NSMCE2: variants seen among roughly 807,000 people sequenced by gnomAD.
NSMCE2 encodes E3 SUMO-protein ligase NSE2.
A neutral mutation model predicts 23.8 loss-of-function variants in NSMCE2; 24 were observed. The ratio of observed to expected loss-of-function variants is 1.01; its 90% confidence interval spans 0.73 to 1.42. The LOEUF is 1.42. Ranked by LOEUF, NSMCE2 falls within the 40% of genes most tolerant of loss-of-function variation. NSMCE2 has a pLI of 0.00. For synonymous variants in NSMCE2, 92 were observed against 94.1 expected (o/e 0.98, Z 0.13); for missense variants, 284 against 296.5 (o/e 0.96, Z 0.31).
chr8:125,227,724 A>G (rs1327394331), intron 5 of NSMCE2, among the ~76,000 whole-genome samples: 3 of 152,204 alleles, frequency 2.0e-5, no homozygotes, highest in African/African-American at 7.2e-5. Flanking sequence ...TGTATATTGT[A>G]AAAGATTCAG....
intron 3 of NSMCE2, among the ~76,000 whole-genome samples, chr8:125,141,128 A>C (rs534653685): frequency 6.6e-6 from 1 of 152,340 alleles, no homozygotes; most frequent in South Asian, 2.1e-4. Flanking sequence ...TATTTCAAAC[A>C]GTATTTTGAA....
chr8:125,316,088 T>C (rs975287712), intron 5 of NSMCE2, among the ~76,000 whole-genome samples: 10 of 152,230 alleles, frequency 6.6e-5, no homozygotes, highest in African/African-American at 2.2e-4. Context: ...ATTATAGGTA[T>C]GAGCCACTAC....
In NSMCE2 at chr8:125,217,893, AC is replaced by A. The variant is rs570022622; in HGVS notation, c.418+35639del. ...CCATCTAAATATGAAAAAAAAAAAA[AC>A]CAAAACAAAAACCGTTGTACTAGGA... On this transcript the variant is annotated intron_variant, in intron 5 of 7. Transcript: ENST00000287437. 3.0e-3 allele frequency among the ~76,000 whole-genome samples: 462 copies of A among 151,758 alleles called. 3 individuals are homozygous for A. Among genetic ancestry groups the A allele is most frequent in the African/African-American group, 0.011 (445 of 41,374 alleles).
intron 3 of NSMCE2, among the ~76,000 whole-genome samples, chr8:125,104,555 G>T (rs1303800368): frequency 3.3e-5 from 5 of 152,276 alleles, no homozygotes; most frequent in African/African-American, 1.2e-4. Context: ...GACTGAACCT[G>T]GGAGTTGTTC....
intron 5 of NSMCE2, among the ~76,000 whole-genome samples, chr8:125,355,018 CAT>C (rs1347284183): frequency 6.6e-6 from 1 of 152,170 alleles, no homozygotes; most frequent in Non-Finnish European, 1.5e-5. Context: ...TTATATGAAA[CAT>C]AAATGAAATT....
chr8:125,211,376 G>A (rs1824334867), intron 5 of NSMCE2, among the ~76,000 whole-genome samples: 1 of 152,136 alleles, frequency 6.6e-6, no homozygotes, highest in Non-Finnish European at 1.5e-5. Flanking sequence ...TGGATACTCT[G>A]TTCTACTTTG....
intron 3 of NSMCE2, among the ~76,000 whole-genome samples, chr8:125,129,966 A>C (rs563386802): frequency 6.6e-6 from 1 of 152,176 alleles, no homozygotes; most frequent in Non-Finnish European, 1.5e-5. Context: ...CTGTTGACTA[A>C]ACTAAATAGT....
At chr8:125,216,397 T>C (rs1824584816) in intron 5 of NSMCE2, among the ~76,000 whole-genome samples, 1 of 152,194 alleles carries the variant, frequency 6.6e-6, no homozygotes, top group African/African-American at 2.4e-5. Flanking sequence ...CCCAGCACTT[T>C]GGAAGGCCGA....
chr8:125,117,426 T>C (rs1305746962), intron 3 of NSMCE2, among the ~76,000 whole-genome samples: 1 of 152,182 alleles, frequency 6.6e-6, no homozygotes, highest in East Asian at 1.9e-4. Context: ...CAAGTAAGTG[T>C]TCCTCCTTCC....
intron 3 of NSMCE2, among the ~76,000 whole-genome samples, chr8:125,108,928 T>C (rs778284413): frequency 1.3e-5 from 2 of 152,148 alleles, no homozygotes; most frequent in Non-Finnish European, 2.9e-5. Context: ...TTGAACCTTA[T>C]CATTGGAAGG....
intron 5 of NSMCE2, among the ~76,000 whole-genome samples, chr8:125,202,403 T>A (rs1823924969): frequency 6.6e-6 from 1 of 152,236 alleles, no homozygotes; most frequent in African/African-American, 2.4e-5. Context: ...CCTATATATG[T>A]TGATAACAGT....
chr8:125,096,929 G>A (rs1415534975), intron 1 of NSMCE2, among the ~76,000 whole-genome samples: 1 of 151,974 alleles, frequency 6.6e-6, no homozygotes, highest in Non-Finnish European at 1.5e-5. Flanking sequence ...GAATCCTAAA[G>A]TGTGCGTGAC....
At chr8:125,326,998 C>T (rs1829691784) in intron 5 of NSMCE2, among the ~76,000 whole-genome samples, 1 of 149,518 alleles carries the variant, frequency 6.7e-6, no homozygotes, top group African/African-American at 2.5e-5. Context: ...CGAGGTGGCT[C>T]ACACCTGTAA....
At chr8:125,188,828 TG>T (rs1306008191) in intron 5 of NSMCE2, among the ~76,000 whole-genome samples, 2 of 152,100 alleles carry the variant, frequency 1.3e-5, no homozygotes, top group Non-Finnish European at 2.9e-5. Context: ...AAAAAGCAGA[TG>T]GGGGTTTTGT....
At chr8:125,213,468 C>G (rs1445254985) in intron 5 of NSMCE2, among the ~76,000 whole-genome samples, 1 of 149,646 alleles carries the variant, frequency 6.7e-6, no homozygotes, top group Non-Finnish European at 1.5e-5. Context: ...AAATGGTAGT[C>G]TACCTAAGGC....
intron 5 of NSMCE2, among the ~76,000 whole-genome samples, chr8:125,276,315 C>T (rs1457940780): frequency 6.6e-6 from 1 of 152,194 alleles, no homozygotes; most frequent in African/African-American, 2.4e-5. Context: ...TTGCTTCCAA[C>T]TTGCTGTTGC....
chr8:125,105,220 G>A (rs559023445), intron 3 of NSMCE2, among the ~76,000 whole-genome samples: 11 of 152,170 alleles, frequency 7.2e-5, no homozygotes, highest in African/African-American at 2.4e-4. Flanking sequence ...ATTCATTTAC[G>A]GCTAACAGCA....
chr8:125,252,656 C>T (rs924468938), intron 5 of NSMCE2, among the ~76,000 whole-genome samples: 18 of 152,220 alleles, frequency 1.2e-4, no homozygotes, highest in African/African-American at 4.3e-4. Context: ...ATTAGTAGTA[C>T]ATAAATGGGA....
rs571932829 is a variant in NSMCE2 at position 125,247,832 on chromosome 8, T to C, written c.418+65576T>C. Among the ~76,000 whole-genome samples the C allele has an allele frequency of 1.1e-4, 16 of 152,290 alleles. No individual in the cohort carries two copies. The South Asian group carries it at 3.1e-3, about 30-fold the overall frequency. The stretch of plus-strand genomic sequence containing the variant: ...AGATCAAGAGGAAAGCCATTTTCAG[T>C]CATTATTACTAAGACAAGTTGTAAT... On this transcript the variant is annotated intron_variant, in intron 5 of 7. Transcript: ENST00000287437.
Sources: gnomAD v4.1 joint callset for allele counts (sites outside exome capture counted in the v4.1 genomes callset) on GRCh38, gnomAD v4.1.1 for gene constraint, MANE v1.5 for transcripts, NCBI Gene and HGNC (gene_info 2026-07-23, HGNC 2026-07-21) for gene names.